Variants in LRP1B observed in about 807,000 individuals in gnomAD.
LRP1B encodes low-density lipoprotein receptor-related protein 1B.
A neutral mutation model predicts 556.6 loss-of-function variants in LRP1B; 217 were observed. The ratio of observed to expected loss-of-function variants is 0.39; its 90% confidence interval spans 0.35 to 0.44. LRP1B has a LOEUF of 0.44. Ranked by LOEUF, LRP1B falls within the 20% of genes least tolerant of loss-of-function variation. The probability of loss-of-function intolerance (pLI) is 1.00; values close to 1 mark genes in which losing one functional copy is unlikely to be tolerated. For synonymous variants in LRP1B, 2,047 were observed against 1,865.8 expected, an observed-to-expected ratio of 1.10 and a Z score of -2.50; for missense variants, 5,053 against 5,620.8, an observed-to-expected ratio of 0.90 and a Z score of 3.23.
chr2:140,249,854 C>G (rs1054726412), intron 86 of LRP1B, among the ~76,000 whole-genome samples: 2 of 151,812 alleles, frequency 1.3e-5, no homozygotes. Context: ...AATCTTCATA[C>G]TTTAAGTAGA....
intron 41 of LRP1B, among the ~76,000 whole-genome samples, chr2:140,625,362 G>A (rs986296541): frequency 2.0e-5 from 3 of 152,126 alleles, no homozygotes; most frequent in Non-Finnish European, 4.4e-5. Flanking sequence ...CATGATCCAG[G>A]AAAGATGTAA....
chr2:142,055,216 A>G (rs1311156337), intron 1 of LRP1B, among the ~76,000 whole-genome samples: 3 of 152,138 alleles, frequency 2.0e-5, no homozygotes, highest in East Asian at 3.9e-4. Flanking sequence ...ATATGAAAAA[A>G]AGGAATAGAG....
chr2:141,421,157 AC>A (rs1263030186), intron 3 of LRP1B, among the ~76,000 whole-genome samples: 2 of 152,318 alleles, frequency 1.3e-5, no homozygotes, highest in Admixed American at 6.5e-5. Flanking sequence ...AAGGGCTGCA[AC>A]TTCCTATTTT....
chr2:141,054,084 G>A (rs972317274), intron 10 of LRP1B, among the ~76,000 whole-genome samples: 2 of 151,920 alleles, frequency 1.3e-5, no homozygotes, highest in African/African-American at 4.8e-5. Context: ...TTTTAACATA[G>A]TTTGGACTCT....
chr2:142,023,659 A>T (rs1311646629), intron 1 of LRP1B, among the ~76,000 whole-genome samples: 3 of 152,222 alleles, frequency 2.0e-5, no homozygotes, highest in Admixed American at 2.0e-4. Context: ...TTAATATAAG[A>T]TTTCTAGACA....
intron 2 of LRP1B, among the ~76,000 whole-genome samples, chr2:141,522,678 A>G (rs1189518882): frequency 2.0e-5 from 3 of 152,148 alleles, no homozygotes; most frequent in African/African-American, 7.2e-5. Flanking sequence ...TATTGGAAAC[A>G]TAAAATATGT....
chr2:140,466,236 T>C (rs755005707), intron 60 of LRP1B, among the ~76,000 whole-genome samples: 1 of 152,020 alleles, frequency 6.6e-6, no homozygotes, highest in African/African-American at 2.4e-5. Context: ...TATTTGTCTC[T>C]TTCAGTGTTT....
chr2:140,469,475 C>T (rs1418481015), intron 60 of LRP1B, among the ~76,000 whole-genome samples: 1 of 152,212 alleles, frequency 6.6e-6, no homozygotes, highest in African/African-American at 2.4e-5. Context: ...CAGACTAAGA[C>T]ACAGGGTATA....
rs180863056 is a variant in LRP1B at position 141,309,026 on chromosome 2, G to A, written c.344-54385C>T. ...CTGAAATATAAATCCAGGTAATCCAGCTTCAAATTGAGGATTTGTTTTGTA... is the reference window on the plus strand; with the variant it reads ...CTGAAATATAAATCCAGGTAATCCAACTTCAAATTGAGGATTTGTTTTGTA... On this transcript the variant is annotated intron_variant, in intron 3 of 90. Coordinates refer to ENST00000389484, the MANE Select transcript of LRP1B (RefSeq NM_018557.3). Among the ~76,000 whole-genome samples the A allele has an allele frequency of 1.1e-4, 16 of 152,242 alleles. 1 individual carries two copies. Among genetic ancestry groups the A allele is most frequent in the African/African-American group, 3.9e-4 (16 of 41,556 alleles).
At chr2:140,610,048 G>GA (rs1553498304) in intron 41 of LRP1B, among the ~76,000 whole-genome samples, 1 of 146,528 alleles carries the variant, frequency 6.8e-6, no homozygotes, top group Non-Finnish European at 1.5e-5. Context: ...ACTCAGGTTT[G>GA]TTTTTTTTTT....
At chr2:140,261,522 G>C (rs1213936869) in intron 86 of LRP1B, among the ~76,000 whole-genome samples, 3 of 151,708 alleles carry the variant, frequency 2.0e-5, no homozygotes, top group Non-Finnish European at 2.9e-5. Flanking sequence ...AAATAGTGAA[G>C]TATGAACAAA....
At chr2:141,783,867 A>T (rs1695340163) in intron 2 of LRP1B, among the ~76,000 whole-genome samples, 1 of 151,832 alleles carries the variant, frequency 6.6e-6, no homozygotes, top group Non-Finnish European at 1.5e-5. Context: ...TTGATTAAAG[A>T]TTTGTAAATT....
rs1017150804 is a variant in LRP1B at position 141,361,720 on chromosome 2, C to T, written c.344-107079G>A. ...TTTCAAGGTATCTTTTAATACCCTG[C>T]AATGTAAATAATGTGAAGTTATCTG... On this transcript the variant is annotated intron_variant, in intron 3 of 90. Transcript: ENST00000389484. Among the ~76,000 whole-genome samples, 3 of 152,220 alleles carry T rather than the reference C, an allele frequency of 2.0e-5. No individual in the cohort carries two copies. In the South Asian group the frequency reaches 6.2e-4, roughly 32 times the overall value.
intron 55 of LRP1B, among the ~76,000 whole-genome samples, chr2:140,498,377 T>A (rs951454950): frequency 1.3e-5 from 2 of 151,916 alleles, no homozygotes; most frequent in African/African-American, 4.8e-5. Context: ...ACATCATCAC[T>A]TTTTTCCCTC....
At chr2:141,522,286 G>A (rs1684553543) in intron 2 of LRP1B, among the ~76,000 whole-genome samples, 1 of 152,042 alleles carries the variant, frequency 6.6e-6, no homozygotes, top group Non-Finnish European at 1.5e-5. Context: ...TGAATATAAA[G>A]CTAGACTAGA....
intron 7 of LRP1B, among the ~76,000 whole-genome samples, chr2:141,083,504 C>A (rs1265067865): frequency 6.6e-6 from 1 of 151,948 alleles, no homozygotes; most frequent in East Asian, 1.9e-4. Context: ...GGGCTTAAGG[C>A]AAAAACTACT....
At chr2:141,461,812 C>A (rs1022478112) in intron 3 of LRP1B, among the ~76,000 whole-genome samples, 12 of 152,326 alleles carry the variant, frequency 7.9e-5, no homozygotes, top group African/African-American at 2.4e-4. Context: ...ATTTAAGACA[C>A]AGTTTTCATC....
At chr2:141,135,115 G>A (rs949282525) in intron 7 of LRP1B, among the ~76,000 whole-genome samples, 23 of 151,846 alleles carry the variant, frequency 1.5e-4, no homozygotes, top group African/African-American at 3.6e-4. Flanking sequence ...GTATCTGTGT[G>A]AGAGAGATTT....
intron 3 of LRP1B, among the ~76,000 whole-genome samples, chr2:141,376,496 T>G (rs1039087926): frequency 6.6e-6 from 1 of 152,176 alleles, no homozygotes; most frequent in East Asian, 1.9e-4. Context: ...CTTCAAAATG[T>G]GAGCATCTAC....
Sources: allele counts gnomAD v4.1 joint callset (sites outside exome capture counted in the v4.1 genomes callset), GRCh38; gene constraint gnomAD v4.1.1; transcripts MANE v1.5; gene names NCBI Gene and HGNC (gene_info 2026-07-23, HGNC 2026-07-21).